ZZZ3: variants seen among roughly 807,000 people sequenced by gnomAD.
ZZZ3 encodes the protein zinc finger ZZ-type containing 3.
ZZZ3 carries 22 observed loss-of-function variants against 95.2 expected under a neutral mutation model. That is an observed-to-expected ratio of 0.23 (90% CI 0.17 to 0.33). The LOEUF (loss-of-function observed/expected upper bound fraction) is 0.33. Ranked by LOEUF, ZZZ3 falls within the 10% of genes least tolerant of loss-of-function variation. ZZZ3 has a pLI of 1.00. For missense variants in ZZZ3, 885 were observed against 1,066.5 expected (o/e 0.83, Z 2.37); for synonymous variants, 335 against 358.9 (o/e 0.93, Z 0.75).
chr1:77,583,037 G>A (rs1487222828), intron 6 of ZZZ3, among the ~76,000 whole-genome samples: 1 of 151,928 alleles, frequency 6.6e-6, no homozygotes, highest in African/African-American at 2.4e-5. Flanking sequence ...CCTGGGAGGC[G>A]GAAGTTACAG....
chr1:77,593,522 CAAAG>C (rs1214410112), intron 5 of ZZZ3, among the ~76,000 whole-genome samples: 1 of 152,048 alleles, frequency 6.6e-6, no homozygotes, highest in Non-Finnish European at 1.5e-5. Context: ...TTTAAAACAG[CAAAG>C]AATTATTTTC....
intron 1 of ZZZ3, among the ~76,000 whole-genome samples, chr1:77,679,940 G>A (rs1672595836): frequency 1.3e-5 from 2 of 152,100 alleles, no homozygotes; most frequent in Admixed American, 1.3e-4. Context: ...TAAAACAAAA[G>A]TTCTAAGAAC....
Position 77,588,700 on chromosome 1 carries a change from G to A in ZZZ3, c.1506-4045C>T, listed in dbSNP as rs569105074. Among the ~76,000 whole-genome samples, 7 of 151,574 alleles carry A rather than the reference G, an allele frequency of 4.6e-5. No homozygotes were observed. The South Asian group carries it at 6.2e-4, about 14-fold the overall frequency. ...TTGCTACTCACTGAACCAAGCAAGAGAATAGAATAACTCAAAAAAAAAATT... is the reference window on the plus strand; with the variant it reads ...TTGCTACTCACTGAACCAAGCAAGAAAATAGAATAACTCAAAAAAAAAATT... On this transcript the variant is annotated intron_variant, in intron 5 of 14. Coordinates refer to ENST00000370801, the MANE Select transcript of ZZZ3 (RefSeq NM_015534.6).
At chr1:77,674,771 G>A (rs2101072600) in intron 1 of ZZZ3, among the ~76,000 whole-genome samples, 1 of 151,890 alleles carries the variant, frequency 6.6e-6, no homozygotes, top group Middle Eastern at 3.4e-3. Flanking sequence ...CCCCAACATG[G>A]CAAAACCCCG....
At chr1:77,572,350 G>GT (rs1371758561) in intron 12 of ZZZ3, among the ~76,000 whole-genome samples, 2 of 151,868 alleles carry the variant, frequency 1.3e-5, no homozygotes, top group Non-Finnish European at 2.9e-5. Context: ...GTTTTGTTTT[G>GT]TTTTTTGAGA....
intron 5 of ZZZ3, among the ~76,000 whole-genome samples, chr1:77,626,882 G>C (rs770020194): frequency 1.3e-5 from 2 of 152,102 alleles, no homozygotes; most frequent in African/African-American, 2.4e-5. Context: ...TATTTCACCA[G>C]TTTATTCTTC....
At chr1:77,669,059 CTG>C (rs1334606377) in intron 1 of ZZZ3, among the ~76,000 whole-genome samples, 3 of 151,060 alleles carry the variant, frequency 2.0e-5, no homozygotes, top group African/African-American at 7.3e-5. Context: ...AGTCAGCACA[CTG>C]TGTGATTATT....
intron 5 of ZZZ3, among the ~76,000 whole-genome samples, chr1:77,609,888 C>T (rs1318355234): frequency 6.6e-6 from 1 of 151,654 alleles, no homozygotes; most frequent in Non-Finnish European, 1.5e-5. Context: ...ACAGCAAAAG[C>T]CATGCTAAAA....
At chr1:77,658,462 C>T (rs566273848) in intron 1 of ZZZ3, among the ~76,000 whole-genome samples, 14 of 151,826 alleles carry the variant, frequency 9.2e-5, no homozygotes, top group Non-Finnish European at 1.8e-4. Flanking sequence ...CCAGCTTAGC[C>T]TCCCAAGTAG....
chr1:77,680,465 C>T (rs1317149784), intron 1 of ZZZ3, among the ~76,000 whole-genome samples: 1 of 152,174 alleles, frequency 6.6e-6, no homozygotes, highest in African/African-American at 2.4e-5. Flanking sequence ...TACCTCTCAA[C>T]ACTCACTTCT....
intron 1 of ZZZ3, among the ~76,000 whole-genome samples, chr1:77,642,339 T>C (rs1219762750): frequency 1.3e-5 from 2 of 152,196 alleles, no homozygotes; most frequent in South Asian, 2.1e-4. Context: ...TACAAAAGAA[T>C]GTTCATTCAT....
At chr1:77,631,066 G>C (rs556296175) in intron 5 of ZZZ3, among the ~76,000 whole-genome samples, 4 of 152,270 alleles carry the variant, frequency 2.6e-5, no homozygotes, top group African/African-American at 9.6e-5. Context: ...GGATTATCTA[G>C]ACATAGTAAG....
intron 1 of ZZZ3, among the ~76,000 whole-genome samples, chr1:77,647,775 G>A (rs925478077): frequency 1.3e-5 from 2 of 152,122 alleles, no homozygotes; most frequent in Admixed American, 1.3e-4. Flanking sequence ...CTCACATATA[G>A]TCAGGAACAA....
At chr1:77,607,987 A>G (rs1303033008) in intron 5 of ZZZ3, among the ~76,000 whole-genome samples, 1 of 152,068 alleles carries the variant, frequency 6.6e-6, no homozygotes, top group African/African-American at 2.4e-5. Flanking sequence ...AAAGAATACA[A>G]AACAATGAAG....
At chr1:77,567,808 C>G (rs994145618) in intron 13 of ZZZ3, among the ~76,000 whole-genome samples, 2 of 152,046 alleles carry the variant, frequency 1.3e-5, no homozygotes, top group Non-Finnish European at 2.9e-5. Context: ...GGGAAAAAAA[C>G]CCATTTCTGA....
At chr1:77,681,382 T>G (rs919002427) in intron 1 of ZZZ3, among the ~76,000 whole-genome samples, 2 of 152,178 alleles carry the variant, frequency 1.3e-5, no homozygotes, top group African/African-American at 4.8e-5. Flanking sequence ...CGTTTTGTAA[T>G]TAACTCCCCA....
At chr1:77,596,954 A>G (rs979548139) in intron 5 of ZZZ3, among the ~76,000 whole-genome samples, 4 of 152,232 alleles carry the variant, frequency 2.6e-5, no homozygotes, top group East Asian at 3.9e-4. Context: ...TTCTTGCTCT[A>G]TCAGCTGAGA....
At chr1:77,627,979 G>C (rs899179617) in intron 5 of ZZZ3, among the ~76,000 whole-genome samples, 2 of 152,164 alleles carry the variant, frequency 1.3e-5, no homozygotes, top group Non-Finnish European at 2.9e-5. Context: ...TTTTCATTTA[G>C]AAGTTTATTT....
At chr1:77,637,792 G>C (rs1668434465) in intron 4 of ZZZ3, among the ~76,000 whole-genome samples, 1 of 152,100 alleles carries the variant, frequency 6.6e-6, no homozygotes, top group Non-Finnish European at 1.5e-5. Flanking sequence ...TGTTTCTTAA[G>C]AATACAATAA....
Sources: gnomAD v4.1 joint callset for allele counts (sites outside exome capture counted in the v4.1 genomes callset) on GRCh38, gnomAD v4.1.1 for gene constraint, MANE v1.5 for transcripts, NCBI Gene and HGNC (gene_info 2026-07-23, HGNC 2026-07-21) for gene names.